The following TRIM71 variants were observed in gnomAD, a reference collection of about 807,000 sequenced individuals.
TRIM71 encodes tripartite motif containing 71.
In TRIM71, 9 loss-of-function variants were observed where a neutral mutation model predicts 61.2. That is an observed-to-expected ratio of 0.15 (90% CI 0.09 to 0.26). The LOEUF is 0.26. TRIM71 is among the 10% of genes least tolerant of loss of function. The probability of loss-of-function intolerance (pLI) is 1.00; values close to 1 mark genes in which losing one functional copy is unlikely to be tolerated. For missense variants in TRIM71, 998 were observed against 1,238.7 expected, an observed-to-expected ratio of 0.81 and a Z score of 2.92; for synonymous variants, 645 against 553.2, an observed-to-expected ratio of 1.17 and a Z score of -2.33.
At chr3:32,829,810 C>T (rs1252171090) in intron 1 of TRIM71, among the ~76,000 whole-genome samples, 1 of 151,602 alleles carries the variant, frequency 6.6e-6, no homozygotes, top group African/African-American at 2.4e-5. Flanking sequence ...GACTCCTAGT[C>T]TAGCACTCTT....
At chr3:32,841,543 G>A (rs927935961) in intron 1 of TRIM71, among the ~76,000 whole-genome samples, 4 of 151,992 alleles carry the variant, frequency 2.6e-5, no homozygotes, top group East Asian at 3.9e-4. Context: ...GCGTGGTGGC[G>A]TGTGCAGTGA....
intron 2 of TRIM71, among the ~76,000 whole-genome samples, chr3:32,880,873 A>G (rs765179783): frequency 4.6e-5 from 7 of 152,204 alleles, no homozygotes; most frequent in African/African-American, 7.2e-5. Flanking sequence ...TGATTCTTCA[A>G]TTACTATATT....
At chr3:32,841,929 A>G (rs1362237176) in intron 1 of TRIM71, among the ~76,000 whole-genome samples, 1 of 152,140 alleles carries the variant, frequency 6.6e-6, no homozygotes, top group Non-Finnish European at 1.5e-5. Flanking sequence ...CCCAAAATGC[A>G]TGTGCCACAG....
intron 2 of TRIM71, among the ~76,000 whole-genome samples, chr3:32,884,551 A>G (rs888072177): frequency 1.3e-5 from 2 of 151,784 alleles, no homozygotes; most frequent in African/African-American, 2.4e-5. Context: ...AAAAAAAAAA[A>G]AAAGAAAGAA....
At chr3:32,841,630 C>A (rs934739183) in intron 1 of TRIM71, among the ~76,000 whole-genome samples, 1 of 152,126 alleles carries the variant, frequency 6.6e-6, no homozygotes, top group Non-Finnish European at 1.5e-5. Context: ...CCCCACCCCC[C>A]AAAAGAAAAA....
At chr3:32,870,253 ATT>A (rs1187959420) in intron 1 of TRIM71, among the ~76,000 whole-genome samples, 1 of 152,192 alleles carries the variant, frequency 6.6e-6, no homozygotes, top group Non-Finnish European at 1.5e-5. Flanking sequence ...AGTGGATTTC[ATT>A]TTATAGTTTT....
At chr3:32,844,510 C>T (rs1416231723) in intron 1 of TRIM71, among the ~76,000 whole-genome samples, 1 of 152,164 alleles carries the variant, frequency 6.6e-6, no homozygotes, top group Non-Finnish European at 1.5e-5. Flanking sequence ...AATCCTTCTG[C>T]CTCAGCCTCT....
intron 2 of TRIM71, among the ~76,000 whole-genome samples, chr3:32,881,181 G>C (rs1167769915): frequency 2.0e-5 from 3 of 151,980 alleles, no homozygotes; most frequent in African/African-American, 4.8e-5. Flanking sequence ...ACCACACCTG[G>C]CTAATTTTGG....
intron 1 of TRIM71, among the ~76,000 whole-genome samples, chr3:32,864,572 T>C (rs761568719): frequency 6.6e-6 from 1 of 152,116 alleles, no homozygotes; most frequent in African/African-American, 2.4e-5. Context: ...GTGGAGGACG[T>C]GTTGTTTATT....
In TRIM71 at chr3:32,891,918, A is replaced by G; in HGVS notation, c.*107A>G. On this transcript the variant is annotated 3_prime_UTR_variant, in exon 4 of 4. Transcript: ENST00000383763. The surrounding 1 kb of genome is among the most constrained non-coding windows in gnomAD (Gnocchi z 8.2). ...TGAATTTCAAAGAAGAAACAGTCTC[A>G]GGGAAATTTCTTTTTTCTTTTTTTT... The G allele has an allele frequency of 1.4e-6, 2 of 1,450,626 alleles. No homozygotes were observed. Among genetic ancestry groups the G allele is most frequent in the East Asian group, 2.4e-5 (1 of 41,060 alleles). 89.9% of individuals were successfully genotyped at this position (1,450,626 alleles called of 1,614,324 possible).
In TRIM71 at chr3:32,885,988, G is replaced by C. The variant is rs760954009; in HGVS notation, c.1075G>C (p.Val359Leu). 2.8e-5 allele frequency: 46 copies of C among 1,614,074 alleles called. No homozygotes were observed. The highest frequency in any genetic ancestry group is 3.7e-5 in the Non-Finnish European group (44 of 1,180,032). Residue 359 changes from valine to leucine, a missense_variant, in exon 3 of 4, where the codon GTT (valine) becomes CTT (leucine). Transcript: ENST00000383763. ...GGAACAGGTGGAGATGAAGGCGAAG[G>C]TTGTGCAGTCGGAGGTCAAAGCCGT... ...VAEQVEMKAK[V>L]VQSEVKAVTA...
chr3:32,820,407 T>C (rs540517736), intron 1 of TRIM71, among the ~76,000 whole-genome samples: 28 of 152,246 alleles, frequency 1.8e-4, no homozygotes, highest in Admixed American at 3.9e-4. Flanking sequence ...GGGGCAGTTA[T>C]CTTTTTTTTC....
chr3:32,863,911 AC>A (rs1696701909), intron 1 of TRIM71, among the ~76,000 whole-genome samples: 1 of 152,126 alleles, frequency 6.6e-6, no homozygotes, highest in South Asian at 2.1e-4. Flanking sequence ...CAAACTCCTG[AC>A]TAAAAATGGT....
chr3:32,823,222 T>C (rs1442987495), intron 1 of TRIM71, among the ~76,000 whole-genome samples: 2 of 152,226 alleles, frequency 1.3e-5, no homozygotes, highest in Non-Finnish European at 2.9e-5. Context: ...GTTATTGATA[T>C]GTTAATTGCT....
chr3:32,880,004 A>G (rs1362692473), intron 2 of TRIM71, among the ~76,000 whole-genome samples: 1 of 151,956 alleles, frequency 6.6e-6, no homozygotes, highest in South Asian at 2.1e-4. Context: ...TTTTTTATCT[A>G]TGAAGTGCAA....
Position 32,886,151 on chromosome 3 carries a change from AT to A in TRIM71, c.1155+84del. On this transcript the variant is annotated intron_variant, in intron 3 of 3. Coordinates refer to ENST00000383763, the MANE Select transcript of TRIM71 (RefSeq NM_001039111.3). Reference sequence around the variant, plus strand: ...CAGCACTCTACGGGACTCTTTACAGATCCAGGAGCCAAGCTCTAAGTTTAAA... The same window carrying A: ...CAGCACTCTACGGGACTCTTTACAGACCAGGAGCCAAGCTCTAAGTTTAAA... 4.9e-6 allele frequency: 7 copies of A among 1,442,980 alleles called. No individual in the cohort carries two copies. The South Asian group carries it at 1.1e-4, about 23-fold the overall frequency. 89.4% of individuals were successfully genotyped at this position (1,442,980 alleles called of 1,614,324 possible). A position where few individuals can be genotyped will look rare whatever the true frequency, so the allele number is the denominator to read the frequency against.
intron 1 of TRIM71, among the ~76,000 whole-genome samples, chr3:32,869,279 G>A (rs562676740): frequency 2.4e-4 from 36 of 152,284 alleles, no homozygotes; most frequent in African/African-American, 8.7e-4. Flanking sequence ...GGGAGCCCAA[G>A]TAAATGTCCT....
intron 1 of TRIM71, among the ~76,000 whole-genome samples, chr3:32,862,939 A>G (rs1696688203): frequency 6.6e-6 from 1 of 152,146 alleles, no homozygotes; most frequent in Non-Finnish European, 1.5e-5. Context: ...TTAAGATAAT[A>G]TTTATAGTAG....
intron 1 of TRIM71, among the ~76,000 whole-genome samples, chr3:32,854,832 A>G (rs1696578090): frequency 6.6e-6 from 1 of 152,210 alleles, no homozygotes; most frequent in Admixed American, 6.5e-5. Context: ...TCCATGTGCC[A>G]GACACTTAGA....
Sources: gnomAD v4.1 joint callset for allele counts (sites outside exome capture counted in the v4.1 genomes callset) on GRCh38, gnomAD v4.1.1 for gene constraint, Gnocchi (gnomAD v3.1) non-coding constraint, MANE v1.5 for transcripts, NCBI Gene and HGNC (gene_info 2026-07-23, HGNC 2026-07-21) for gene names.